DNAJC10: variants seen among roughly 807,000 people sequenced by gnomAD.
DNAJC10 encodes DnaJ heat shock protein family (Hsp40) member C10, also known as endoplasmic reticulum disulfide reductase DNAJC10.
In DNAJC10, 101 loss-of-function variants were observed where a neutral mutation model predicts 115.0. The observed-to-expected ratio is 0.88, with a 90% CI of 0.75 to 1.04. DNAJC10 has a LOEUF of 1.04. Among genes scored for constraint, DNAJC10 ranks in the 50% least tolerant of loss-of-function variants. DNAJC10 has a pLI of 0.00. For missense variants in DNAJC10, 981 were observed against 928.8 expected (o/e 1.06, Z -0.73); for synonymous variants, 307 against 301.5 (o/e 1.02, Z -0.19).
Position 182,718,162 on chromosome 2 carries a change from A to G in DNAJC10, c.76A>G (p.Met26Val). Residue 26 changes from methionine to valine, a missense_variant, in exon 3 of 24, where the codon ATG becomes GTG. Met to Val is a conservative substitution (Grantham distance 21). Coordinates refer to ENST00000264065, the MANE Select transcript of DNAJC10 (RefSeq NM_018981.4). The stretch of plus-strand genomic sequence containing the variant: ...CATTCTCTGTTTTCTGATAGTGTAT[A>G]TGGCCATTTTAGTGGGCACAGATCA... The part of the protein sequence containing the change: ...RIILCFLIVY[M>V]AILVGTDQDF... 8 of 1,613,654 alleles carry G rather than the reference A, an allele frequency of 5.0e-6. No individual in the cohort carries two copies. Among genetic ancestry groups the G allele is most frequent in the Non-Finnish European group, 6.8e-6 (8 of 1,179,784 alleles).
In DNAJC10 at chr2:182,785,650, CAG is replaced by C. The variant is rs1694932660; in HGVS notation, c.*8522_*8523del. 1 of 151,834 alleles carries C rather than the reference CAG, an allele frequency of 6.6e-6. No homozygotes were observed. Among genetic ancestry groups the C allele is most frequent in the Non-Finnish European group, 1.5e-5 (1 of 67,944 alleles). 9.4% of individuals were successfully genotyped at this position (151,834 alleles called of 1,614,324 possible). On this transcript the variant is annotated 3_prime_UTR_variant, in exon 24 of 24. Transcript: ENST00000264065. ...GGTATGATTTCTTTAATGAAAAAGA[CAG>C]AGAAAGGTATCGTATAGCTTAAAAG... is the stretch of plus-strand genomic sequence containing the variant.
intron 4 of DNAJC10, among the ~76,000 whole-genome samples, chr2:182,721,216 C>T (rs2105606801): frequency 6.6e-6 from 1 of 152,044 alleles, no homozygotes; most frequent in East Asian, 1.9e-4. Context: ...GGAGGATTTG[C>T]TTTTAGTAAA....
At chr2:182,759,105 CAT>C in intron 20 of DNAJC10, 53 bp from the exon 21 acceptor site, 3 of 1,431,620 alleles carry the variant, frequency 2.1e-6, no homozygotes, top group Non-Finnish European at 2.9e-6. Context: ...TATTGCATTT[CAT>C]ATGTTTGCTT....
At chr2:182,742,351 G>A (rs986800732) in intron 13 of DNAJC10, among the ~76,000 whole-genome samples, 32 of 152,148 alleles carry the variant, frequency 2.1e-4, no homozygotes, top group Non-Finnish European at 3.5e-4. Context: ...CACCAAGTCC[G>A]GCTAATTTTT....
chr2:182,717,254 T>G (rs954826334), intron 2 of DNAJC10, among the ~76,000 whole-genome samples, 182 bp downstream of exon 2: 1 of 152,190 alleles, frequency 6.6e-6, no homozygotes, highest in African/African-American at 2.4e-5. Context: ...AAATAACCGA[T>G]TCCCTTCTCT....
At chr2:182,767,471 G>A (rs1212967847) in intron 22 of DNAJC10, among the ~76,000 whole-genome samples, 1 of 152,032 alleles carries the variant, frequency 6.6e-6, no homozygotes, top group Non-Finnish European at 1.5e-5. Context: ...CCCAACCCCT[G>A]GTATTTTATG....
chr2:182,741,027 A>G (rs1483729582), intron 12 of DNAJC10, among the ~76,000 whole-genome samples: 1 of 152,160 alleles, frequency 6.6e-6, no homozygotes, highest in African/African-American at 2.4e-5. Context: ...TTAAGATTTT[A>G]TAATTTAGTG....
chr2:182,739,633 T>G (rs1256798596), intron 11 of DNAJC10: 4 of 1,136,084 alleles, frequency 3.5e-6, no homozygotes, highest in African/African-American at 1.7e-5. Context: ...TAAAGAAGAT[T>G]TGTTAGAAGG....
chr2:182,735,450 A>G (rs774224655), intron 10 of DNAJC10, among the ~76,000 whole-genome samples: 2 of 151,894 alleles, frequency 1.3e-5, no homozygotes, highest in Non-Finnish European at 1.5e-5. Context: ...ATTCTTTCTT[A>G]GCTTTTAATT....
intron 5 of DNAJC10, among the ~76,000 whole-genome samples, chr2:182,722,956 A>G (rs967358157): frequency 2.6e-5 from 4 of 150,986 alleles, no homozygotes; most frequent in Admixed American, 6.6e-5. Flanking sequence ...ATATAAATCT[A>G]TATGTTTTTC....
rs1694900412 is a variant in DNAJC10, at chr2:182,783,921, A to G, written c.*6789A>G. On this transcript the variant is annotated 3_prime_UTR_variant, in exon 24 of 24. Coordinates refer to ENST00000264065, the MANE Select transcript of DNAJC10 (RefSeq NM_018981.4). ...CAATCTTCATGTTAAGACTTTGGAA[A>G]GTTAATTTGTATTAATTAACTAATA... 1 of 152,228 alleles carries G rather than the reference A, an allele frequency of 6.6e-6. No homozygotes were observed. Among genetic ancestry groups the G allele is most frequent in the African/African-American group, 2.4e-5 (1 of 41,456 alleles). The allele number at this position is 152,228 out of a possible 1,614,324, so 9.4% of individuals were successfully genotyped here.
At chr2:182,751,075 A>T (rs1420286726) in intron 14 of DNAJC10, among the ~76,000 whole-genome samples, 1 of 152,034 alleles carries the variant, frequency 6.6e-6, no homozygotes, top group Non-Finnish European at 1.5e-5. Context: ...AGAACCCTAT[A>T]AAAAAGTCAT....
intron 22 of DNAJC10, 134 bp from the exon 23 acceptor site, chr2:182,775,182 A>G (rs895981844): frequency 1.6e-6 from 1 of 616,772 alleles, no homozygotes; most frequent in Admixed American, 2.9e-5. Flanking sequence ...TTCCTTGAAG[A>G]GAATAAATTT....
rs1693581283 is a variant in DNAJC10 at position 182,736,229 on chromosome 2, G to A, written c.850-20G>A. The stretch of plus-strand genomic sequence containing the variant: ...TTGCCTCCCATTTACAACATGGTTT[G>A]TTGTTTCTTTCCATTTTAGGATGGT... On this transcript the variant is annotated intron_variant, in intron 10 of 23. Coordinates refer to ENST00000264065, the MANE Select transcript of DNAJC10 (RefSeq NM_018981.4). 1 of 1,549,136 alleles carries A rather than the reference G, an allele frequency of 6.5e-7. No homozygotes were observed. Among genetic ancestry groups the A allele is most frequent in the South Asian group, 1.3e-5 (1 of 77,516 alleles).
At position 182,792,852 on chromosome 2, in the gene DNAJC10, G is replaced by A. The variant is rs577392294; in HGVS notation, c.*15720G>A. 1 of 152,336 alleles carries A rather than the reference G, an allele frequency of 6.6e-6. No individual in the cohort carries two copies. The highest frequency in any genetic ancestry group is 6.5e-5 in the Admixed American group (1 of 15,298). 9.4% of individuals were successfully genotyped at this position (152,336 alleles called of 1,614,324 possible). On this transcript the variant is annotated 3_prime_UTR_variant, in exon 24 of 24. Transcript: ENST00000264065. The stretch of plus-strand genomic sequence containing the variant: ...GGCTTTGTTCTATGCATTTAAGATA[G>A]TGTATTAAATGTATTGACCTCATGA...
Position 182,740,302 on chromosome 2 carries a change from C to T in DNAJC10, c.991C>T (p.Leu331Phe). The T allele has an allele frequency of 1.4e-6, 2 of 1,447,346 alleles. No homozygotes were observed. The highest frequency in any genetic ancestry group is 1.9e-6 in the Non-Finnish European group (2 of 1,069,236). The allele number at this position is 1,447,346 out of a possible 1,614,324, so 89.7% of individuals were successfully genotyped here. Residue 331 changes from leucine (L) to phenylalanine (F), a missense_variant, in exon 12 of 24, where the codon CTC (leucine) becomes TTC (phenylalanine). By Grantham distance (22) the Leu-to-Phe change is conservative. Coordinates refer to ENST00000264065, the MANE Select transcript of DNAJC10 (RefSeq NM_018981.4). ...NNKEKNSILF[L>F]NSLDAKEIYL... ...CAATGTGATTTTCTTTTTCTAGTTT[C>T]TCAACTCATTGGATGCTAAAGAAAT...
At chr2:182,770,444 T>C (rs1694531252) in intron 22 of DNAJC10, among the ~76,000 whole-genome samples, 2 of 152,242 alleles carry the variant, frequency 1.3e-5, no homozygotes, top group South Asian at 4.1e-4. Context: ...TTCCTATCCA[T>C]TAGCATGGAA....
At chr2:182,772,518 A>G (rs1206924752) in intron 22 of DNAJC10, among the ~76,000 whole-genome samples, 1 of 152,160 alleles carries the variant, frequency 6.6e-6, no homozygotes, top group Non-Finnish European at 1.5e-5. Context: ...GTCCATATAT[A>G]TTTAGGATCG....
At chr2:182,753,580 T>TTTG (rs1491445560) in intron 16 of DNAJC10, among the ~76,000 whole-genome samples, 1 of 22,622 alleles carries the variant, frequency 4.4e-5, no homozygotes, top group Non-Finnish European at 9.5e-5. Flanking sequence ...TTTAGTTTAG[T>TTTG]TTTTTTTTTT....
Sources: allele counts gnomAD v4.1 joint callset (sites outside exome capture counted in the v4.1 genomes callset), GRCh38; gene constraint gnomAD v4.1.1; transcripts MANE v1.5; gene names NCBI Gene and HGNC (gene_info 2026-07-23, HGNC 2026-07-21).